The following SERP1 variants were observed in gnomAD, a reference collection of about 807,000 sequenced individuals.
The protein encoded by SERP1 is stress associated endoplasmic reticulum protein 1, also known as stress-associated endoplasmic reticulum protein 1.
Under a neutral mutation model 8.8 loss-of-function variants are expected in SERP1, and 6 were observed. The ratio of observed to expected loss-of-function variants is 0.68; its 90% confidence interval spans 0.37 to 1.35. The LOEUF (loss-of-function observed/expected upper bound fraction) is 1.35, where lower values mean the gene tolerates loss of function less well. SERP1 is among the 40% of genes most tolerant of loss of function. The pLI, the probability that SERP1 is intolerant of heterozygous loss-of-function variation, is 0.02. For missense variants in SERP1, 52 were observed against 86.2 expected, an observed-to-expected ratio of 0.60 and a Z score of 1.57; for synonymous variants, 36 against 28.7, an observed-to-expected ratio of 1.25 and a Z score of -0.81.
intron 1 of SERP1, 117 bp downstream of exon 1, chr3:150,545,934 AC>A: frequency 7.0e-7 from 1 of 1,421,344 alleles, no homozygotes; most frequent in Non-Finnish European, 9.7e-7. Flanking sequence ...TCGGGCCCCT[AC>A]CCCTCCACGG....
In SERP1 at chr3:150,543,177, C is replaced by T. The variant is rs1722909287; in HGVS notation, c.*1281G>A. 1 of 152,532 alleles carries T rather than the reference C, an allele frequency of 6.6e-6. No homozygotes were observed. Among genetic ancestry groups the T allele is most frequent in the South Asian group, 2.1e-4 (1 of 4,826 alleles). 9.4% of individuals were successfully genotyped at this position (152,532 alleles called of 1,614,324 possible). A position where few individuals can be genotyped will look rare whatever the true frequency, so the allele number is the denominator to read the frequency against. On this transcript the variant is annotated 3_prime_UTR_variant, in exon 3 of 3. Coordinates refer to ENST00000239944, the MANE Select transcript of SERP1 (RefSeq NM_014445.4). ...AAGCAAACACAAGCAGCTTTCTTTC[C>T]AACGCATTAATACATAGACACTGCT...
In SERP1 at chr3:150,546,446, G is replaced by A; in HGVS notation, c.-311C>T. 5.4e-6 allele frequency: 3 copies of A among 558,158 alleles called. No homozygotes were observed. Among genetic ancestry groups the A allele is most frequent in the South Asian group, 2.3e-5 (1 of 44,044 alleles). 34.6% of individuals were successfully genotyped at this position (558,158 alleles called of 1,614,324 possible). A position where few individuals can be genotyped will look rare whatever the true frequency, so the allele number is the denominator to read the frequency against. On this transcript the variant is annotated 5_prime_UTR_variant, in exon 1 of 3. Transcript: ENST00000239944. Reference sequence around the variant, plus strand: ...GCCGCCGTGAGCGCGGAGTGAAAGAGGAAGGAAACGCAACGCAACAACGGG... The same window carrying A: ...GCCGCCGTGAGCGCGGAGTGAAAGAAGAAGGAAACGCAACGCAACAACGGG...
chr3:150,546,315 A>AGCCGGGC lies in SERP1; in HGVS notation c.-187_-181dup, dbSNP rs1276181871. ...GCCGCAAGCGCGAGGTCTGAGCACA[A>AGCCGGGC]GCCGGGCGCCGGCCGCCGACTGACT... On this transcript the variant is annotated 5_prime_UTR_variant, in exon 1 of 3. Transcript: ENST00000239944. 4 of 650,012 alleles carry AGCCGGGC rather than the reference A, an allele frequency of 6.2e-6. No homozygotes were observed. The highest frequency in any genetic ancestry group is 6.8e-5 in the Admixed American group (2 of 29,374). The allele number at this position is 650,012 out of a possible 1,614,324, so 40.3% of individuals were successfully genotyped here.
Position 150,546,171 on chromosome 3 carries a change from G to A in SERP1, c.-36C>T, listed in dbSNP as rs559588402. On this transcript the variant is annotated 5_prime_UTR_variant, in exon 1 of 3. Coordinates refer to ENST00000239944, the MANE Select transcript of SERP1 (RefSeq NM_014445.4). Reference sequence around the variant, plus strand: ...CCACCACCTGCCCCGGCCACCCCTCGGACTCGCTCACTCGCCTGCCTCCTC... The same window carrying A: ...CCACCACCTGCCCCGGCCACCCCTCAGACTCGCTCACTCGCCTGCCTCCTC... 1.6e-5 allele frequency: 25 copies of A among 1,600,004 alleles called. No individual in the cohort carries two copies. In the African/African-American group the frequency reaches 2.1e-4, roughly 14 times the overall value.
At chr3:150,545,821 C>T (rs1339262037) in intron 1 of SERP1, 43 bp from the exon 2 acceptor site, 2 of 1,562,762 alleles carry the variant, frequency 1.3e-6, no homozygotes, top group Non-Finnish European at 8.7e-7. Context: ...AGAGAAACCA[C>T]TCGGACCCCA....
At position 150,546,256 on chromosome 3, in the gene SERP1, G is replaced by C; in HGVS notation, c.-121C>G. The C allele has an allele frequency of 8.8e-7, 1 of 1,139,334 alleles. No individual in the cohort carries two copies. Among genetic ancestry groups the C allele is most frequent in the Non-Finnish European group, 1.3e-6 (1 of 793,444 alleles). The allele number at this position is 1,139,334 out of a possible 1,614,324, so 70.6% of individuals were successfully genotyped here. A position where few individuals can be genotyped will look rare whatever the true frequency, so the allele number is the denominator to read the frequency against. Reference sequence around the variant, plus strand: ...CGCCGCCGGAGCGCCGAGGTTCTCAGGCCAGACGCTAGCTACGGCCGCTGG... The same window carrying C: ...CGCCGCCGGAGCGCCGAGGTTCTCACGCCAGACGCTAGCTACGGCCGCTGG... On this transcript the variant is annotated 5_prime_UTR_variant, in exon 1 of 3. Coordinates refer to ENST00000239944, the MANE Select transcript of SERP1 (RefSeq NM_014445.4).
chr3:150,544,531 C>G (rs1533816), intron 2 of SERP1, 33 bp from the exon 3 acceptor site: 7 of 1,563,686 alleles, frequency 4.5e-6, no homozygotes, highest in Non-Finnish European at 6.2e-6. Flanking sequence ...TTAAAATAAG[C>G]TTTGAATAAA....
rs1722911495 is a variant in SERP1 at position 150,543,241 on chromosome 3, T to C, written c.*1217A>G. ...ACCAAGTTATGGCTAAGTATACAAATAGCCAATACTTGCAGTTTTCAACAG... is the reference window on the plus strand; with the variant it reads ...ACCAAGTTATGGCTAAGTATACAAACAGCCAATACTTGCAGTTTTCAACAG... On this transcript the variant is annotated 3_prime_UTR_variant, in exon 3 of 3. Coordinates refer to ENST00000239944, the MANE Select transcript of SERP1 (RefSeq NM_014445.4). 1 of 152,574 alleles carries C rather than the reference T, an allele frequency of 6.6e-6. No homozygotes were observed. The highest frequency in any genetic ancestry group is 1.5e-5 in the Non-Finnish European group (1 of 68,018). The allele number at this position is 152,574 out of a possible 1,614,324, so 9.5% of individuals were successfully genotyped here. A position where few individuals can be genotyped will look rare whatever the true frequency, so the allele number is the denominator to read the frequency against.
chr3:150,545,396 A>T lies in SERP1; in HGVS notation c.160+307T>A, dbSNP rs112405873. ...AAGACTGATAATGGAGTTACAAAAC[A>T]TTCTAAATTCTCATTTCGTTAGGTT... On this transcript the variant is annotated intron_variant, in intron 2 of 2. Transcript: ENST00000239944. 744 of 437,206 alleles carry T rather than the reference A, an allele frequency of 1.7e-3. 6 individuals are homozygous for T. Among genetic ancestry groups the T allele is most frequent in the African/African-American group, 0.014 (673 of 49,646 alleles). 27.1% of individuals were successfully genotyped at this position (437,206 alleles called of 1,614,324 possible). A position where few individuals can be genotyped will look rare whatever the true frequency, so the allele number is the denominator to read the frequency against.
At chr3:150,545,409 A>G in intron 2 of SERP1, 1 of 439,040 alleles carries the variant, frequency 2.3e-6, no homozygotes, top group Non-Finnish European at 4.0e-6. Flanking sequence ...CTAAATTCTC[A>G]TTTCGTTAGG....
rs977808669 is a variant in SERP1, at chr3:150,544,225, A to C, written c.*233T>G. 1.5e-5 allele frequency: 8 copies of C among 525,310 alleles called. No homozygotes were observed. Among genetic ancestry groups the C allele is most frequent in the Non-Finnish European group, 3.4e-6 (1 of 292,370 alleles). The allele number at this position is 525,310 out of a possible 1,614,324, so 32.5% of individuals were successfully genotyped here. A position where few individuals can be genotyped will look rare whatever the true frequency, so the allele number is the denominator to read the frequency against. On this transcript the variant is annotated 3_prime_UTR_variant, in exon 3 of 3. Transcript: ENST00000239944. ...GTAGGGTCCACTACTGTATCTTAAC[A>C]ATCAAATTTTATTGCTTTATTCATG...
Position 150,544,348 on chromosome 3 carries a change from T to C in SERP1, c.*110A>G, listed in dbSNP as rs747914134. 90 of 1,010,274 alleles carry C rather than the reference T, an allele frequency of 8.9e-5. No homozygotes were observed. Among genetic ancestry groups the C allele is most frequent in the South Asian group, 4.1e-4 (31 of 74,998 alleles). The allele number at this position is 1,010,274 out of a possible 1,614,324, so 62.6% of individuals were successfully genotyped here. On this transcript the variant is annotated 3_prime_UTR_variant, in exon 3 of 3. Coordinates refer to ENST00000239944, the MANE Select transcript of SERP1 (RefSeq NM_014445.4). ...CACATGAAGCATGATAGGAAAGTCA[T>C]TCTGAGGCAGGATGCTTTACTGAAT...
Position 150,542,978 on chromosome 3 carries a change from AAT to A in SERP1, c.*1478_*1479del, listed in dbSNP as rs1231962257. On this transcript the variant is annotated 3_prime_UTR_variant, in exon 3 of 3. Coordinates refer to ENST00000239944, the MANE Select transcript of SERP1 (RefSeq NM_014445.4). ...TCAGTTGATTCATTCCTTATTCCAG[AAT>A]AGTTAAGTTCCTGAAAGTCCTTAAC... 1 of 152,596 alleles carries A rather than the reference AAT, an allele frequency of 6.6e-6. No homozygotes were observed. The highest frequency in any genetic ancestry group is 1.5e-5 in the Non-Finnish European group (1 of 68,032). The allele number at this position is 152,596 out of a possible 1,614,324, so 9.5% of individuals were successfully genotyped here. A position where few individuals can be genotyped will look rare whatever the true frequency, so the allele number is the denominator to read the frequency against.
chr3:150,545,988 G>A, intron 1 of SERP1, 64 bp downstream of exon 1: 1 of 1,594,236 alleles, frequency 6.3e-7, no homozygotes, highest in Non-Finnish European at 8.6e-7. Context: ...AACGCGACGC[G>A]GCCCCAGGGA....
At position 150,543,354 on chromosome 3, in the gene SERP1, A is replaced by G. The variant is rs1487694995; in HGVS notation, c.*1104T>C. The G allele has an allele frequency of 6.6e-6, 1 of 152,642 alleles. No homozygotes were observed. The highest frequency in any genetic ancestry group is 1.5e-5 in the Non-Finnish European group (1 of 68,028). 9.5% of individuals were successfully genotyped at this position (152,642 alleles called of 1,614,324 possible). A position where few individuals can be genotyped will look rare whatever the true frequency, so the allele number is the denominator to read the frequency against. On this transcript the variant is annotated 3_prime_UTR_variant, in exon 3 of 3. Coordinates refer to ENST00000239944, the MANE Select transcript of SERP1 (RefSeq NM_014445.4). ...GATCAATCATAACCTATAAAGTCAT[A>G]TAACAAAGGGAAGACTAAAGACTGA...
intron 2 of SERP1, chr3:150,545,274 A>G (rs2107887100): frequency 4.6e-6 from 1 of 215,774 alleles, no homozygotes; most frequent in African/African-American, 2.3e-5. Context: ...GCTTTATTTT[A>G]TAAAATATAC....
At position 150,546,240 on chromosome 3, in the gene SERP1, A is replaced by C. The variant is rs1462254471; in HGVS notation, c.-105T>G. On this transcript the variant is annotated 5_prime_UTR_variant, in exon 1 of 3. Transcript: ENST00000239944. Reference sequence around the variant, plus strand: ...CGGCTCGTGGTGCCCGCGCCGCCGGAGCGCCGAGGTTCTCAGGCCAGACGC... The same window carrying C: ...CGGCTCGTGGTGCCCGCGCCGCCGGCGCGCCGAGGTTCTCAGGCCAGACGC... 19 of 1,325,270 alleles carry C rather than the reference A, an allele frequency of 1.4e-5. No individual in the cohort carries two copies. Among genetic ancestry groups the C allele is most frequent in the Non-Finnish European group, 1.7e-5 (16 of 944,288 alleles). 82.1% of individuals were successfully genotyped at this position (1,325,270 alleles called of 1,614,324 possible). A position where few individuals can be genotyped will look rare whatever the true frequency, so the allele number is the denominator to read the frequency against.
In SERP1 at chr3:150,542,185, G is replaced by A. The variant is rs1247619745; in HGVS notation, c.*2273C>T. 1 of 152,180 alleles carries A rather than the reference G, an allele frequency of 6.6e-6. No individual in the cohort carries two copies. The highest frequency in any genetic ancestry group is 1.5e-5 in the Non-Finnish European group (1 of 68,030). The allele number at this position is 152,180 out of a possible 1,614,324, so 9.4% of individuals were successfully genotyped here. On this transcript the variant is annotated 3_prime_UTR_variant, in exon 3 of 3. Coordinates refer to ENST00000239944, the MANE Select transcript of SERP1 (RefSeq NM_014445.4). Reference sequence around the variant, plus strand: ...CCACAAAGAGTAACTGAGTAATGTTGACAACCCCAATATTTATTCTCATAC... The same window carrying A: ...CCACAAAGAGTAACTGAGTAATGTTAACAACCCCAATATTTATTCTCATAC...
At position 150,543,370 on chromosome 3, in the gene SERP1, T is replaced by C. The variant is rs185164308; in HGVS notation, c.*1088A>G. The C allele has an allele frequency of 6.5e-6, 1 of 152,710 alleles. No individual in the cohort carries two copies. Among genetic ancestry groups the C allele is most frequent in the Non-Finnish European group, 1.5e-5 (1 of 68,008 alleles). 9.5% of individuals were successfully genotyped at this position (152,710 alleles called of 1,614,324 possible). On this transcript the variant is annotated 3_prime_UTR_variant, in exon 3 of 3. Coordinates refer to ENST00000239944, the MANE Select transcript of SERP1 (RefSeq NM_014445.4). ...TAAAGTCATATAACAAAGGGAAGAC[T>C]AAAGACTGATCATTATCAGTAAATC...
Sources: gnomAD v4.1 joint callset for allele counts on GRCh38, gnomAD v4.1.1 for gene constraint, MANE v1.5 for transcripts, NCBI Gene and HGNC (gene_info 2026-07-23, HGNC 2026-07-21) for gene names.